Variants in ARHGEF28 observed in about 807,000 individuals in gnomAD.
The protein encoded by ARHGEF28 is 190 kDa guanine nucleotide exchange factor.
ARHGEF28 carries 152 observed loss-of-function variants against 206.6 expected under a neutral mutation model. The observed-to-expected ratio is 0.74, with a 90% CI of 0.64 to 0.84. The LOEUF (loss-of-function observed/expected upper bound fraction) is 0.84, where lower values mean the gene tolerates loss of function less well. Ranked by LOEUF, ARHGEF28 falls within the 40% of genes least tolerant of loss-of-function variation. The pLI, the probability that ARHGEF28 is intolerant of heterozygous loss-of-function variation, is 0.00. For synonymous variants in ARHGEF28, 763 were observed against 776.4 expected, an observed-to-expected ratio of 0.98 and a Z score of 0.29; for missense variants, 2,028 against 2,073.2, an observed-to-expected ratio of 0.98 and a Z score of 0.42.
chr5:73,896,043 C>A (rs891544974), intron 29 of ARHGEF28, among the ~76,000 whole-genome samples: 1 of 152,042 alleles, frequency 6.6e-6, no homozygotes, highest in African/African-American at 2.4e-5. Context: ...GCTAGGGAGG[C>A]AGTAATGCTT....
At chr5:73,851,327 G>A (rs150574044) in intron 13 of ARHGEF28, among the ~76,000 whole-genome samples, 182 of 151,852 alleles carry the variant, frequency 1.2e-3, no homozygotes, top group African/African-American at 4.2e-3. Context: ...GGATGCTTTC[G>A]GTCCTTTTTA....
intron 22 of ARHGEF28, among the ~76,000 whole-genome samples, chr5:73,879,098 A>G (rs547505032): frequency 6.6e-6 from 1 of 152,136 alleles, no homozygotes; most frequent in Admixed American, 6.5e-5. Context: ...ACATAGTCCC[A>G]TATTTCTTGG....
chr5:73,709,248 G>A (rs969803889), intron 2 of ARHGEF28, among the ~76,000 whole-genome samples: 3 of 152,104 alleles, frequency 2.0e-5, no homozygotes, highest in African/African-American at 4.8e-5. Flanking sequence ...GATTTCTGTG[G>A]AGTGTGGCAA....
chr5:73,742,952 C>T (rs563771372), intron 2 of ARHGEF28, among the ~76,000 whole-genome samples: 19 of 151,930 alleles, frequency 1.3e-4, no homozygotes, highest in South Asian at 2.1e-4. Flanking sequence ...TTTTAAACTC[C>T]GTGACATTAT....
At chr5:73,671,259 G>A (rs1425027106) in intron 1 of ARHGEF28, among the ~76,000 whole-genome samples, 2 of 152,152 alleles carry the variant, frequency 1.3e-5, no homozygotes, top group African/African-American at 2.4e-5. Context: ...AAAAGTAAGA[G>A]CAAGTTTCTC....
chr5:73,668,170 T>C (rs1746085306), intron 1 of ARHGEF28, among the ~76,000 whole-genome samples: 1 of 152,214 alleles, frequency 6.6e-6, no homozygotes, highest in African/African-American at 2.4e-5. Context: ...TCTTTCAGCC[T>C]CCACCCATTA....
At position 73,909,932 on chromosome 5, in the gene ARHGEF28, T is replaced by C. The variant is rs1762792669; in HGVS notation, c.4647+35T>C. On this transcript the variant is annotated intron_variant, in intron 34 of 35. Transcript: ENST00000513042. ...TTCTGCGGTGCTGTGAGGCAGCCTC[T>C]CAAAGACAGGGGTGGGCCTGGGGGC... 7.4e-6 allele frequency: 11 copies of C among 1,478,840 alleles called. No individual in the cohort carries two copies. In the South Asian group the frequency reaches 1.5e-4, roughly 21 times the overall value. The allele number at this position is 1,478,840 out of a possible 1,614,324, so 91.6% of individuals were successfully genotyped here.
At chr5:73,724,406 C>A (rs1005594029) in intron 2 of ARHGEF28, among the ~76,000 whole-genome samples, 3 of 152,086 alleles carry the variant, frequency 2.0e-5, no homozygotes, top group African/African-American at 7.2e-5. Context: ...TTGAAAAAGG[C>A]AGATACTATA....
intron 1 of ARHGEF28, among the ~76,000 whole-genome samples, chr5:73,663,336 T>A (rs1163347763): frequency 6.6e-6 from 1 of 152,170 alleles, no homozygotes; most frequent in East Asian, 1.9e-4. Flanking sequence ...ACATTTAATA[T>A]CTGTGGGCAC....
chr5:73,891,998 G>T (rs1667705770), intron 26 of ARHGEF28, 54 bp from the exon 27 acceptor site: 4 of 1,510,420 alleles, frequency 2.6e-6, no homozygotes, highest in Admixed American at 2.0e-5. Context: ...GTTTTACGGA[G>T]CCTTACTTTA....
intron 35 of ARHGEF28, among the ~76,000 whole-genome samples, chr5:73,924,927 A>G (rs1311187353): frequency 1.3e-5 from 2 of 152,218 alleles, no homozygotes; most frequent in African/African-American, 4.8e-5. Context: ...GGATATTGAA[A>G]TAAACTCACT....
At chr5:73,807,087 G>A (rs190335486) in intron 9 of ARHGEF28, among the ~76,000 whole-genome samples, 141 of 144,668 alleles carry the variant, frequency 9.7e-4, no homozygotes, top group African/African-American at 3.2e-3. Context: ...TAACATTATC[G>A]GATGCTGCTC....
chr5:73,819,016 G>T (rs1462859516), intron 9 of ARHGEF28, among the ~76,000 whole-genome samples: 1 of 152,162 alleles, frequency 6.6e-6, no homozygotes, highest in Non-Finnish European at 1.5e-5. Context: ...AGGCAAAGAG[G>T]ATAGTTCAAG....
chr5:73,910,544 G>A (rs774481129), intron 34 of ARHGEF28, among the ~76,000 whole-genome samples: 6 of 152,174 alleles, frequency 3.9e-5, no homozygotes, highest in Admixed American at 1.3e-4. Context: ...CACTGCGAGC[G>A]TGCTCTTTTT....
At chr5:73,788,044 CCA>C (rs1754261810) in intron 7 of ARHGEF28, among the ~76,000 whole-genome samples, 1 of 152,032 alleles carries the variant, frequency 6.6e-6, no homozygotes, top group Non-Finnish European at 1.5e-5. Flanking sequence ...CAGAGGTTCC[CCA>C]GAGCTCACCT....
intron 4 of ARHGEF28, among the ~76,000 whole-genome samples, chr5:73,762,435 G>A (rs1284514010): frequency 4.3e-5 from 5 of 115,916 alleles, no homozygotes; most frequent in African/African-American, 1.3e-4. Context: ...CAACCTGGGT[G>A]ACAAAGCAAG....
At chr5:73,930,658 T>C (rs1198627072) in intron 35 of ARHGEF28, among the ~76,000 whole-genome samples, 1 of 152,248 alleles carries the variant, frequency 6.6e-6, no homozygotes, top group Non-Finnish European at 1.5e-5. Flanking sequence ...TGTGATTGAC[T>C]ATGCTGTTCC....
chr5:73,813,705 G>A (rs1183995239), intron 9 of ARHGEF28: 1 of 1,522,664 alleles, frequency 6.6e-7, no homozygotes, highest in South Asian at 1.2e-5. Flanking sequence ...TTCCTTCACG[G>A]GCAAAACCAG....
At chr5:73,647,233 A>G (rs1439542645) in intron 1 of ARHGEF28, among the ~76,000 whole-genome samples, 1 of 152,198 alleles carries the variant, frequency 6.6e-6, no homozygotes, top group Non-Finnish European at 1.5e-5. Context: ...ATTGTGTACA[A>G]TTACCTTTAG....
Sources: allele counts gnomAD v4.1 joint callset (sites outside exome capture counted in the v4.1 genomes callset), GRCh38; gene constraint gnomAD v4.1.1; transcripts MANE v1.5; gene names NCBI Gene and HGNC (gene_info 2026-07-23, HGNC 2026-07-21).